Variants in IL7R observed in about 807,000 individuals in gnomAD.
The protein encoded by IL7R is interleukin-7 receptor subunit alpha.
Under a neutral mutation model 47.0 loss-of-function variants are expected in IL7R, and 38 were observed. The observed-to-expected ratio is 0.81, with a 90% CI of 0.62 to 1.06. The LOEUF is 1.06. Among genes scored for constraint, IL7R ranks in the 50% least tolerant of loss-of-function variants. The pLI is 0.00. For synonymous variants in IL7R, 221 were observed against 199.8 expected (o/e 1.11, Z -0.89); for missense variants, 633 against 534.8 (o/e 1.18, Z -1.81).
In IL7R at chr5:35,873,515, G is replaced by T. The variant is rs775310578; in HGVS notation, c.573G>T (p.Leu191=). ...TATCCAGCACAAAGCTGACACTCCT[G>T]CAGAGAAAGCTCCAACCGGCAGCAA... is the stretch of plus-strand genomic sequence containing the variant. ...VNLSSTKLTL[L]QRKLQPAAMY... Residue 191 remains leucine, a synonymous_variant, in exon 5 of 8, where the codon CTG becomes CTT. Transcript: ENST00000303115. 12 of 1,614,048 alleles carry T rather than the reference G, an allele frequency of 7.4e-6. No homozygotes were observed. Among genetic ancestry groups the T allele is most frequent in the Non-Finnish European group, 1.0e-5 (12 of 1,179,936 alleles).
intron 1 of IL7R, among the ~76,000 whole-genome samples, chr5:35,860,478 A>T (rs899778935): frequency 1.3e-5 from 2 of 152,200 alleles, no homozygotes; most frequent in African/African-American, 2.4e-5. Flanking sequence ...CTCTTCTTTG[A>T]AATAATATGA....
At chr5:35,861,571 T>C (rs1159650764) in intron 2 of IL7R, among the ~76,000 whole-genome samples, 3 of 152,154 alleles carry the variant, frequency 2.0e-5, no homozygotes, top group Non-Finnish European at 2.9e-5. Flanking sequence ...ATTATAATTC[T>C]GTGAATATTG....
chr5:35,873,012 G>A (rs1482492372), intron 4 of IL7R, among the ~76,000 whole-genome samples: 1 of 146,736 alleles, frequency 6.8e-6, no homozygotes, highest in African/African-American at 2.4e-5. Context: ...CTGTCAAATT[G>A]ATAGAGTGGT....
Position 35,873,654 on chromosome 5 carries a change from G to A in IL7R, c.706+6G>A, listed in dbSNP as rs1203134238. 2 of 1,613,350 alleles carry A rather than the reference G, an allele frequency of 1.2e-6. No individual in the cohort carries two copies. The highest frequency in any genetic ancestry group is 1.7e-6 in the Non-Finnish European group (2 of 1,179,304). On this transcript the variant is annotated splice_donor_region_variant and intron_variant, in intron 5 of 7. Coordinates refer to ENST00000303115, the MANE Select transcript of IL7R (RefSeq NM_002185.5). ...AGAGATCAATAATAGCTCAGGTAAG[G>A]AATGGTGGTAGAGTTTTTGTTCCCT...
At chr5:35,867,685 T>C (rs972113354) in intron 3 of IL7R, 8 of 630,896 alleles carry the variant, frequency 1.3e-5, no homozygotes, top group Admixed American at 8.0e-5. Flanking sequence ...GTGTGAAAGA[T>C]AGTGTTTGTG....
At chr5:35,861,050 CT>C in intron 2 of IL7R, 60 bp downstream of exon 2, 3 of 1,527,858 alleles carry the variant, frequency 2.0e-6, no homozygotes, top group Non-Finnish European at 2.7e-6. Context: ...TTCATATGCT[CT>C]TTTTAATAGC....
chr5:35,873,437 C>G, intron 4 of IL7R, 43 bp from the exon 5 acceptor site: 1 of 1,546,858 alleles, frequency 6.5e-7, no homozygotes. Context: ...TAGGCAACAC[C>G]TCTTTTCCCA....
In IL7R at chr5:35,860,355, C is replaced by G. The variant is rs80229624; in HGVS notation, c.83-497C>G. ...AAGCAAAATTCTGACTGCAAGATAG[C>G]TATCATTGTCCTTCATTTAAGACAA... On this transcript the variant is annotated intron_variant, in intron 1 of 7. Transcript: ENST00000303115. Among the ~76,000 whole-genome samples the G allele has an allele frequency of 6.3e-3, 961 of 152,134 alleles. 16 individuals carry two copies. Among genetic ancestry groups the G allele is most frequent in the East Asian group, 0.055 (284 of 5,170 alleles).
At chr5:35,868,961 G>C (rs1169618275) in intron 3 of IL7R, among the ~76,000 whole-genome samples, 1 of 152,130 alleles carries the variant, frequency 6.6e-6, no homozygotes, top group African/African-American at 2.4e-5. Context: ...GGAGAGGTAC[G>C]TATGGTACAC....
chr5:35,873,496 G>T lies in IL7R; in HGVS notation c.554G>T (p.Ser185Ile), dbSNP rs1188286965. 4.3e-6 allele frequency: 7 copies of T among 1,613,808 alleles called. No individual in the cohort carries two copies. In the East Asian group the frequency reaches 6.7e-5, roughly 15 times the overall value. Reference sequence around the variant, plus strand: ...ACTCTCTAGCATGTGAATTTATCCAGCACAAAGCTGACACTCCTGCAGAGA... The same window carrying T: ...ACTCTCTAGCATGTGAATTTATCCATCACAAAGCTGACACTCCTGCAGAGA... ...ENKWTHVNLSSTKLTLLQRKL... is the reference protein window; with the variant it reads ...ENKWTHVNLSITKLTLLQRKL... Residue 185 changes from serine to isoleucine, a missense_variant, in exon 5 of 8, where the codon AGC becomes ATC. By Grantham distance (142) the Ser-to-Ile change is moderately radical. Transcript: ENST00000303115.
intron 6 of IL7R, among the ~76,000 whole-genome samples, chr5:35,874,973 T>C (rs780141238): frequency 2.6e-5 from 4 of 152,224 alleles, no homozygotes; most frequent in Admixed American, 1.3e-4. Flanking sequence ...TTACTTACTA[T>C]TCTAGGAGAA....
At position 35,856,966 on chromosome 5, in the gene IL7R, A is replaced by G. The variant is rs200964795; in HGVS notation, c.-12A>G. On this transcript the variant is annotated 5_prime_UTR_variant, in exon 1 of 8. Coordinates refer to ENST00000303115, the MANE Select transcript of IL7R (RefSeq NM_002185.5). The stretch of plus-strand genomic sequence containing the variant: ...GCTCACACATCTACTCTCTCTCTCT[A>G]TCTCTCTCAGAATGACAATTCTAGG... 2.7e-6 allele frequency: 4 copies of G among 1,494,182 alleles called. No individual in the cohort carries two copies. Among genetic ancestry groups the G allele is most frequent in the South Asian group, 2.3e-5 (2 of 88,668 alleles). 92.6% of individuals were successfully genotyped at this position (1,494,182 alleles called of 1,614,324 possible).
rs570163509 is a variant in IL7R, at chr5:35,879,020, G to A, written c.*2534G>A. On this transcript the variant is annotated 3_prime_UTR_variant, in exon 8 of 8. Coordinates refer to ENST00000303115, the MANE Select transcript of IL7R (RefSeq NM_002185.5). ...GTTAATTCTTGATTATATACCTAGG[G>A]ACAATGTGTAATGTAAGATTACTAA... 4.3e-6 allele frequency: 1 copy of A among 232,708 alleles called. No individual in the cohort carries two copies. Among genetic ancestry groups the A allele is most frequent in the African/African-American group, 2.2e-5 (1 of 45,390 alleles). The allele number at this position is 232,708 out of a possible 1,614,324, so 14.4% of individuals were successfully genotyped here. A position where few individuals can be genotyped will look rare whatever the true frequency, so the allele number is the denominator to read the frequency against.
At chr5:35,870,986 T>C (rs1760059432) in intron 3 of IL7R, 70 bp from the exon 4 acceptor site, 14 of 1,392,708 alleles carry the variant, frequency 1.0e-5, no homozygotes, top group Admixed American at 5.0e-5. Flanking sequence ...GCAGAGGAGA[T>C]GAATTTTAAA....
At position 35,859,337 on chromosome 5, in the gene IL7R, G is replaced by A. The variant is rs538497503; in HGVS notation, c.83-1515G>A. On this transcript the variant is annotated intron_variant, in intron 1 of 7. Coordinates refer to ENST00000303115, the MANE Select transcript of IL7R (RefSeq NM_002185.5). Reference sequence around the variant, plus strand: ...GTATAGAATTGGTGGAAGAGAAAATGTCAGGACAGTGTGAGGACTGCCATG... The same window carrying A: ...GTATAGAATTGGTGGAAGAGAAAATATCAGGACAGTGTGAGGACTGCCATG... 1.2e-4 allele frequency among the ~76,000 whole-genome samples: 18 copies of A among 152,302 alleles called. No individual in the cohort carries two copies. In the East Asian group the frequency reaches 2.7e-3, roughly 23 times the overall value.
At chr5:35,868,269 C>A (rs923707209) in intron 3 of IL7R, among the ~76,000 whole-genome samples, 2 of 152,182 alleles carry the variant, frequency 1.3e-5, no homozygotes, top group African/African-American at 4.8e-5. Context: ...CTTAAAAATA[C>A]TTTTAGCATT....
chr5:35,871,313 C>CAAAATTG, intron 4 of IL7R, 100 bp downstream of exon 4: 1 of 904,264 alleles, frequency 1.1e-6, no homozygotes, highest in Non-Finnish European at 1.7e-6. Flanking sequence ...AACAATTTTG[C>CAAAATTG]TTTCAAAATC....
intron 1 of IL7R, among the ~76,000 whole-genome samples, chr5:35,858,633 C>T (rs1004529717): frequency 6.6e-5 from 10 of 152,124 alleles, no homozygotes; most frequent in African/African-American, 7.2e-5. Context: ...ATTATAACAC[C>T]GTCAATTGAC....
chr5:35,873,740 T>G (rs1345131712), intron 5 of IL7R, 92 bp downstream of exon 5: 9 of 1,169,840 alleles, frequency 7.7e-6, no homozygotes, highest in African/African-American at 1.5e-5. Context: ...GAAACTAACC[T>G]GCAAAATAGG....
Sources: allele counts gnomAD v4.1 joint callset (sites outside exome capture counted in the v4.1 genomes callset), GRCh38; gene constraint gnomAD v4.1.1; transcripts MANE v1.5; gene names NCBI Gene and HGNC (gene_info 2026-07-23, HGNC 2026-07-21).